The following THEMIS variants were observed in gnomAD, a reference collection of about 807,000 sequenced individuals.
THEMIS encodes the protein protein THEMIS.
In THEMIS, 37 loss-of-function variants were observed where a neutral mutation model predicts 52.6. That is an observed-to-expected ratio of 0.70 (90% CI 0.54 to 0.93). THEMIS has a LOEUF of 0.93. THEMIS is among the 40% of genes least tolerant of loss of function. The pLI is 0.00. For missense variants in THEMIS, 808 were observed against 763.1 expected, an observed-to-expected ratio of 1.06 and a Z score of -0.69; for synonymous variants, 292 against 272.7, an observed-to-expected ratio of 1.07 and a Z score of -0.70.
intron 3 of THEMIS, among the ~76,000 whole-genome samples, chr6:127,814,543 C>T (rs1463414043): frequency 6.6e-6 from 1 of 152,066 alleles, no homozygotes; most frequent in African/African-American, 2.4e-5. Context: ...TACCAAGATG[C>T]AATATTTTTC....
chr6:127,833,623 G>A (rs77041348), intron 2 of THEMIS, among the ~76,000 whole-genome samples: 12,526 of 152,048 alleles, frequency 0.082, 516 homozygotes, highest in African/African-American at 0.096. Flanking sequence ...CTCTTTACAT[G>A]GATCAGCCTT....
rs748281512 is a variant in THEMIS, at chr6:127,813,018, G to A, written c.1623C>T (p.Tyr541=). 5 of 1,614,124 alleles carry A rather than the reference G, an allele frequency of 3.1e-6. No homozygotes were observed. The African/African-American group carries it at 4.0e-5, about 13-fold the overall frequency. ...LVEEITEEQY[Y]MMRRYESSAS... ...CTGAGCTTTCATATCTCCGCATCAT[G>A]TAATATTGCTCTTCAGTGATCTCTT... is the stretch of plus-strand genomic sequence containing the variant. Residue 541 remains tyrosine, a synonymous_variant, in exon 4 of 6, where the codon TAC becomes TAT. Transcript: ENST00000368248.
chr6:127,877,881 G>T (rs1216069991), intron 1 of THEMIS, among the ~76,000 whole-genome samples: 1 of 151,808 alleles, frequency 6.6e-6, no homozygotes, highest in Non-Finnish European at 1.5e-5. Flanking sequence ...TACTTGTGAA[G>T]CACAAAAAAA....
intron 2 of THEMIS, among the ~76,000 whole-genome samples, chr6:127,832,777 C>CTTTTTTTTTT (rs11355741): frequency 0.015 from 860 of 57,802 alleles, 193 homozygotes; most frequent in Non-Finnish European, 0.018. Flanking sequence ...ATTGTCAGAT[C>CTTTTTTTTTT]TTTTTTTTTT....
At chr6:127,761,822 G>A (rs1038857096) in intron 4 of THEMIS, among the ~76,000 whole-genome samples, 2 of 152,104 alleles carry the variant, frequency 1.3e-5, no homozygotes, top group Non-Finnish European at 2.9e-5. Flanking sequence ...CAATAGCACA[G>A]CCATTATGGA....
chr6:127,747,795 C>T (rs2114319669), intron 4 of THEMIS, among the ~76,000 whole-genome samples: 1 of 152,154 alleles, frequency 6.6e-6, no homozygotes, highest in East Asian at 1.9e-4. Context: ...ATTTAACTGA[C>T]ATAATAAATC....
At chr6:127,760,193 T>C (rs573243890) in intron 4 of THEMIS, among the ~76,000 whole-genome samples, 48 of 152,080 alleles carry the variant, frequency 3.2e-4, no homozygotes, top group South Asian at 1.0e-3. Flanking sequence ...ACGTTGACCA[T>C]ATATGTGTAG....
rs374603283 is a variant in THEMIS, at chr6:127,846,263, A to G, written c.250+8767T>C. 1.1e-4 allele frequency among the ~76,000 whole-genome samples: 17 copies of G among 152,076 alleles called. No homozygotes were observed. In the East Asian group the frequency reaches 2.3e-3, roughly 21 times the overall value. On this transcript the variant is annotated intron_variant, in intron 2 of 5. Coordinates refer to ENST00000368248, the MANE Select transcript of THEMIS (RefSeq NM_001010923.3). ...AAAAAGGAAACAATTTGATTATACAATTGCCACATTATAGCATTTAAAACA... is the reference window on the plus strand; with the variant it reads ...AAAAAGGAAACAATTTGATTATACAGTTGCCACATTATAGCATTTAAAACA...
chr6:127,812,630 T>G (rs1334888065), intron 4 of THEMIS, among the ~76,000 whole-genome samples: 3 of 152,322 alleles, frequency 2.0e-5, no homozygotes, highest in East Asian at 3.9e-4. Context: ...GAAAAGGCAA[T>G]TTGGGTCATC....
At chr6:127,746,411 A>G (rs550782262) in intron 4 of THEMIS, among the ~76,000 whole-genome samples, 69 of 151,756 alleles carry the variant, frequency 4.5e-4, no homozygotes, top group African/African-American at 1.6e-3. Flanking sequence ...ATATTCCTAT[A>G]GTATCTAGCA....
chr6:127,796,910 T>C (rs1016118499), intron 4 of THEMIS, among the ~76,000 whole-genome samples: 6 of 152,236 alleles, frequency 3.9e-5, no homozygotes, highest in African/African-American at 1.4e-4. Flanking sequence ...ATTCTAACTC[T>C]GCATAAAATC....
rs552395977 is a variant in THEMIS, at chr6:127,812,157, G to C, written c.1758+726C>G. Among the ~76,000 whole-genome samples the C allele has an allele frequency of 7.2e-5, 11 of 152,214 alleles. No individual in the cohort carries two copies. The South Asian group carries it at 1.5e-3, about 20-fold the overall frequency. ...AACGACCTACACATCATGGTGTAAGGGCAAGCGCTTTGCAGGCAGCCAGAA... is the reference window on the plus strand; with the variant it reads ...AACGACCTACACATCATGGTGTAAGCGCAAGCGCTTTGCAGGCAGCCAGAA... On this transcript the variant is annotated intron_variant, in intron 4 of 5. Coordinates refer to ENST00000368248, the MANE Select transcript of THEMIS (RefSeq NM_001010923.3).
chr6:127,868,415 A>G (rs1780051154), intron 1 of THEMIS: 2 of 984,916 alleles, frequency 2.0e-6, no homozygotes. Context: ...AAAAGAAAAA[A>G]GGAATGGAGA....
chr6:127,849,651 T>C (rs532084884), intron 2 of THEMIS, among the ~76,000 whole-genome samples: 36 of 151,852 alleles, frequency 2.4e-4, no homozygotes, highest in African/African-American at 8.7e-4. Flanking sequence ...GGAAACAATA[T>C]AATATTCAAT....
chr6:127,774,041 C>A (rs1156690352), intron 4 of THEMIS, among the ~76,000 whole-genome samples: 1 of 152,204 alleles, frequency 6.6e-6, no homozygotes, highest in Non-Finnish European at 1.5e-5. Flanking sequence ...ACGCCTGGCA[C>A]TTTGGTGAAG....
chr6:127,875,220 T>C (rs2114400942), intron 1 of THEMIS, among the ~76,000 whole-genome samples: 1 of 152,364 alleles, frequency 6.6e-6, no homozygotes, highest in South Asian at 2.1e-4. Context: ...TTGTATTATT[T>C]CTTACAACTG....
chr6:127,767,484 C>G (rs1175042053), intron 4 of THEMIS, among the ~76,000 whole-genome samples: 5 of 151,920 alleles, frequency 3.3e-5, no homozygotes, highest in Non-Finnish European at 7.4e-5. Flanking sequence ...AACTAAGACC[C>G]AAGAGCACAC....
intron 1 of THEMIS, among the ~76,000 whole-genome samples, chr6:127,869,352 C>G (rs1044744592): frequency 2.0e-5 from 3 of 152,172 alleles, no homozygotes; most frequent in African/African-American, 7.2e-5. Flanking sequence ...TCTAGCAACA[C>G]AGTGCACTAT....
At chr6:127,731,756 G>A (rs1157204063) in intron 4 of THEMIS, among the ~76,000 whole-genome samples, 7 of 145,800 alleles carry the variant, frequency 4.8e-5, no homozygotes, top group East Asian at 2.0e-4. Flanking sequence ...AGAGTGCAGC[G>A]GCGCGATCTT....
Sources: gnomAD v4.1 joint callset for allele counts (sites outside exome capture counted in the v4.1 genomes callset) on GRCh38, gnomAD v4.1.1 for gene constraint, MANE v1.5 for transcripts, NCBI Gene and HGNC (gene_info 2026-07-23, HGNC 2026-07-21) for gene names.